DLG2: variants seen among roughly 807,000 people sequenced by gnomAD.
DLG2 encodes discs large MAGUK scaffold protein 2.
A neutral mutation model predicts 132.5 loss-of-function variants in DLG2; 45 were observed. The ratio of observed to expected loss-of-function variants is 0.34; its 90% CI spans 0.27 to 0.44. DLG2 has a LOEUF of 0.44. Ranked by LOEUF, DLG2 falls within the 20% of genes least tolerant of loss-of-function variation. The probability of loss-of-function intolerance (pLI) is 1.00; values close to 1 mark genes in which losing one functional copy is unlikely to be tolerated. For synonymous variants in DLG2, 424 were observed against 419.6 expected, an observed-to-expected ratio of 1.01 and a Z score of -0.13; for missense variants, 1,045 against 1,196.9, an observed-to-expected ratio of 0.87 and a Z score of 1.87.
chr11:83,733,186 A>G (rs1237057870), intron 18 of DLG2, among the ~76,000 whole-genome samples: 2 of 136,288 alleles, frequency 1.5e-5, no homozygotes, highest in Non-Finnish European at 3.1e-5. Flanking sequence ...GGTTGCAGGG[A>G]GCTGAGATCA....
At chr11:85,085,024 A>C (rs2067731620) in intron 6 of DLG2, among the ~76,000 whole-genome samples, 1 of 152,114 alleles carries the variant, frequency 6.6e-6, no homozygotes, top group Non-Finnish European at 1.5e-5. Context: ...TACCACTCAC[A>C]CTTTGTATAT....
intron 6 of DLG2, among the ~76,000 whole-genome samples, chr11:84,986,938 A>G (rs2056560046): frequency 6.6e-6 from 1 of 152,214 alleles, no homozygotes; most frequent in Non-Finnish European, 1.5e-5. Context: ...AAAGAAATAC[A>G]GAGCATCCAA....
rs145678430 is a variant in DLG2 at position 84,284,994 on chromosome 11, G to A, written c.520-33703C>T. 1.2e-4 allele frequency among the ~76,000 whole-genome samples: 18 copies of A among 152,248 alleles called. 1 individual carries two copies. The East Asian group carries it at 3.1e-3, about 26-fold the overall frequency. ...TCTTTATATTTGCAGAGCATGTTTC[G>A]ATTGACAAAACACTTTTATAACTAG... On this transcript the variant is annotated intron_variant, in intron 7 of 27. Coordinates refer to ENST00000376104, the MANE Select transcript of DLG2 (RefSeq NM_001142699.3).
intron 6 of DLG2, among the ~76,000 whole-genome samples, chr11:84,811,597 G>A (rs2076563613): frequency 6.6e-6 from 1 of 152,064 alleles, no homozygotes; most frequent in East Asian, 1.9e-4. Context: ...TAAGGGAGAT[G>A]TAGGCTATTT....
intron 9 of DLG2, among the ~76,000 whole-genome samples, chr11:84,143,713 A>C (rs1040080787): frequency 5.3e-5 from 8 of 152,210 alleles, no homozygotes; most frequent in Admixed American, 3.3e-4. Context: ...ACTAGGCTCT[A>C]TTTCGAGCTA....
intron 6 of DLG2, among the ~76,000 whole-genome samples, chr11:84,581,912 C>CAAAAAAAAAAAAAAAAAA (rs780759635): frequency 4.6e-5 from 3 of 64,972 alleles, no homozygotes; most frequent in African/African-American, 1.0e-4. Context: ...TCTCAAAAAC[C>CAAAAAAAAAAAAAAAAAA]AAAAAAAAAA....
chr11:85,323,846 C>G (rs769387407), intron 3 of DLG2, among the ~76,000 whole-genome samples: 4 of 152,200 alleles, frequency 2.6e-5, no homozygotes, highest in African/African-American at 9.6e-5. Flanking sequence ...TTCTTTTTAT[C>G]GCTGAATAAT....
At chr11:85,155,691 G>A (rs1056600852) in intron 4 of DLG2, among the ~76,000 whole-genome samples, 20 of 152,002 alleles carry the variant, frequency 1.3e-4, no homozygotes, top group Non-Finnish European at 2.5e-4. Context: ...CCAACGTGGT[G>A]AAACCCTATC....
At chr11:84,217,695 A>T (rs914093106) in intron 8 of DLG2, among the ~76,000 whole-genome samples, 2 of 152,246 alleles carry the variant, frequency 1.3e-5, no homozygotes, top group African/African-American at 4.8e-5. Context: ...TAACAGACAC[A>T]TTCCATGCTG....
chr11:84,183,918 T>C lies in DLG2; in HGVS notation c.574-20407A>G, dbSNP rs923433811. ...CAGGACATGAACTCATCCTTTTTTA[T>C]GGCTGCATAGTATTCCATGGTGTAT... On this transcript the variant is annotated intron_variant, in intron 8 of 27. Coordinates refer to ENST00000376104, the MANE Select transcript of DLG2 (RefSeq NM_001142699.3). Among the ~76,000 whole-genome samples the C allele has an allele frequency of 4.6e-5, 7 of 152,324 alleles. No individual in the cohort carries two copies. The East Asian group carries it at 7.7e-4, about 17-fold the overall frequency.
chr11:84,260,624 T>C (rs537832089), intron 7 of DLG2, among the ~76,000 whole-genome samples: 61 of 152,358 alleles, frequency 4.0e-4, no homozygotes, highest in Middle Eastern at 6.8e-3. Context: ...GTAAGCTTTT[T>C]ACTTGTGTTT....
At chr11:85,521,917 A>G (rs2074345479) in intron 3 of DLG2, among the ~76,000 whole-genome samples, 1 of 152,130 alleles carries the variant, frequency 6.6e-6, no homozygotes, top group South Asian at 2.1e-4. Flanking sequence ...AAGTTTGGAG[A>G]ATTTGCAGCC....
At chr11:84,705,590 T>TG in intron 6 of DLG2, among the ~76,000 whole-genome samples, 1 of 151,886 alleles carries the variant, frequency 6.6e-6, no homozygotes, top group East Asian at 2.0e-4. Flanking sequence ...ACTATGGGAA[T>TG]TATGTTTACA....
intron 6 of DLG2, among the ~76,000 whole-genome samples, chr11:84,809,296 T>C (rs934540672): frequency 6.6e-6 from 1 of 151,920 alleles, no homozygotes; most frequent in Non-Finnish European, 1.5e-5. Flanking sequence ...CTCAATAAAG[T>C]GCATCTATAA....
At chr11:83,931,166 G>T (rs60931568) in intron 14 of DLG2, among the ~76,000 whole-genome samples, 11,156 of 152,120 alleles carry the variant, frequency 0.073, 958 homozygotes, top group African/African-American at 0.21. Context: ...ATTATGTTTG[G>T]AGTCCATCTA....
At chr11:83,800,203 G>C (rs1477663963) in intron 17 of DLG2, among the ~76,000 whole-genome samples, 2 of 152,146 alleles carry the variant, frequency 1.3e-5, no homozygotes, top group African/African-American at 4.8e-5. Context: ...CTGAGTTCCA[G>C]TCATGCTGTT....
At chr11:84,849,832 T>C (rs1434181323) in intron 6 of DLG2, among the ~76,000 whole-genome samples, 1 of 152,146 alleles carries the variant, frequency 6.6e-6, no homozygotes, top group Non-Finnish European at 1.5e-5. Flanking sequence ...TCTATCTTTT[T>C]CACTGCTGTG....
intron 5 of DLG2, among the ~76,000 whole-genome samples, chr11:85,136,286 G>A (rs1157170024): frequency 6.6e-6 from 1 of 152,126 alleles, no homozygotes; most frequent in Non-Finnish European, 1.5e-5. Context: ...GTGATTAACT[G>A]GATAATGTAT....
At chr11:84,485,312 A>C (rs1391557520) in intron 7 of DLG2, among the ~76,000 whole-genome samples, 1 of 152,216 alleles carries the variant, frequency 6.6e-6, no homozygotes, top group Non-Finnish European at 1.5e-5. Flanking sequence ...ATACCCAATA[A>C]TGAGACTAAA....
Sources: gnomAD v4.1 joint callset for allele counts (sites outside exome capture counted in the v4.1 genomes callset) on GRCh38, gnomAD v4.1.1 for gene constraint, MANE v1.5 for transcripts, NCBI Gene and HGNC (gene_info 2026-07-23, HGNC 2026-07-21) for gene names.